The following TDRD10 variants were observed in gnomAD, a reference collection of about 807,000 sequenced individuals.
TDRD10 encodes the protein tudor domain containing 10.
TDRD10 carries 40 observed loss-of-function variants against 48.0 expected under a neutral mutation model. The observed-to-expected ratio is 0.83, with a 90% CI of 0.65 to 1.09. The LOEUF (loss-of-function observed/expected upper bound fraction) is 1.09, where lower values mean the gene tolerates loss of function less well. Among genes scored for constraint, TDRD10 ranks in the 50% least tolerant of loss-of-function variants. The pLI is 0.00. For missense variants in TDRD10, 378 were observed against 434.7 expected (o/e 0.87, Z 1.16); for synonymous variants, 162 against 170.4 (o/e 0.95, Z 0.38).
intron 6 of TDRD10, among the ~76,000 whole-genome samples, chr1:154,535,638 G>T (rs546194662): frequency 1.3e-5 from 2 of 150,550 alleles, no homozygotes; most frequent in East Asian, 4.0e-4. Flanking sequence ...CTATGATTGT[G>T]CCAGCACTCC....
At chr1:154,542,369 A>T (rs1007403272) in intron 7 of TDRD10, among the ~76,000 whole-genome samples, 9 of 152,144 alleles carry the variant, frequency 5.9e-5, no homozygotes, top group African/African-American at 2.2e-4. Flanking sequence ...CTAGGACTAT[A>T]GGTGTGCATC....
chr1:154,528,056 GTTTC>G (rs900184235), intron 6 of TDRD10, among the ~76,000 whole-genome samples: 7 of 151,956 alleles, frequency 4.6e-5, no homozygotes, highest in Admixed American at 1.3e-4. Context: ...TATAGTTTTT[GTTTC>G]TTTGTTTTCC....
intron 6 of TDRD10, among the ~76,000 whole-genome samples, chr1:154,529,842 G>C (rs1333295165): frequency 6.6e-6 from 1 of 152,034 alleles, no homozygotes; most frequent in African/African-American, 2.4e-5. Context: ...ACTGCGCCCA[G>C]CTTCTTTCTT....
At chr1:154,538,544 C>CT (rs1323634241) in intron 6 of TDRD10, among the ~76,000 whole-genome samples, 1 of 86,564 alleles carries the variant, frequency 1.2e-5, no homozygotes, top group Non-Finnish European at 2.2e-5. Flanking sequence ...GAGCGAAACT[C>CT]TATCTCAAAA....
At chr1:154,513,277 T>C (rs1484546996) in intron 4 of TDRD10, among the ~76,000 whole-genome samples, 2 of 152,190 alleles carry the variant, frequency 1.3e-5, no homozygotes, top group Non-Finnish European at 2.9e-5. Flanking sequence ...AATGGAAAGA[T>C]AATGGTTCAT....
intron 6 of TDRD10, among the ~76,000 whole-genome samples, chr1:154,541,050 G>A (rs1695200382): frequency 2.0e-5 from 3 of 152,170 alleles, no homozygotes; most frequent in Admixed American, 1.3e-4. Flanking sequence ...CACAGAGACC[G>A]TGAAACTGTG....
chr1:154,547,332 G>A lies in TDRD10; in HGVS notation c.953-77G>A, dbSNP rs998069132. On this transcript the variant is annotated intron_variant, in intron 11 of 12. Coordinates refer to ENST00000368482, the MANE Select transcript of TDRD10 (RefSeq NM_182499.4). ...CCAGAGCACTTTCCCTGCAGCCCCC[G>A]CCTTTTGCTTCCCTCCTTTGCTCCT... 7.8e-6 allele frequency: 12 copies of A among 1,532,512 alleles called. No homozygotes were observed. The East Asian group carries it at 1.6e-4, about 20-fold the overall frequency. 94.9% of individuals were successfully genotyped at this position (1,532,512 alleles called of 1,614,324 possible).
At chr1:154,530,458 TGG>T (rs1280761647) in intron 6 of TDRD10, among the ~76,000 whole-genome samples, 31 of 140,754 alleles carry the variant, frequency 2.2e-4, no homozygotes. Context: ...GAAACAGAGG[TGG>T]GGTTTCACCA....
At chr1:154,543,557 A>T (rs1349714884) in intron 8 of TDRD10, among the ~76,000 whole-genome samples, 1 of 152,056 alleles carries the variant, frequency 6.6e-6, no homozygotes, top group African/African-American at 2.4e-5. Flanking sequence ...GCAGGGGAGG[A>T]GCAGCTTTGG....
chr1:154,536,336 G>A (rs113915076), intron 6 of TDRD10, among the ~76,000 whole-genome samples: 29,635 of 152,034 alleles, frequency 0.19, 3,107 homozygotes, highest in South Asian at 0.23. Flanking sequence ...AGATTGTGCC[G>A]TTGCACTCCA....
rs566092221 is a variant in TDRD10 at position 154,541,705 on chromosome 1, G to A, written c.370-319G>A. Among the ~76,000 whole-genome samples, 52 of 152,300 alleles carry A rather than the reference G, an allele frequency of 3.4e-4. No individual in the cohort carries two copies. In the South Asian group the frequency reaches 3.9e-3, roughly 12 times the overall value. ...GTGCCAGCAGGGCACCAGGATAAGC[G>A]TTCTGGTGGTGCTTTCTGCCCCTGT... On this transcript the variant is annotated intron_variant, in intron 6 of 12. Transcript: ENST00000368482.
intron 4 of TDRD10, among the ~76,000 whole-genome samples, chr1:154,518,450 C>T (rs1026528392): frequency 1.3e-5 from 2 of 151,564 alleles, no homozygotes; most frequent in Non-Finnish European, 2.9e-5. Flanking sequence ...TTTTTTGAGA[C>T]GGAGTCTTGC....
At chr1:154,518,528 C>T (rs1338695439) in intron 4 of TDRD10, among the ~76,000 whole-genome samples, 1 of 152,080 alleles carries the variant, frequency 6.6e-6, no homozygotes, top group East Asian at 1.9e-4. Context: ...CCCGGGTTCA[C>T]GCCATTCTCC....
intron 4 of TDRD10, among the ~76,000 whole-genome samples, chr1:154,518,813 T>A (rs947848613): frequency 1.3e-5 from 2 of 152,244 alleles, no homozygotes; most frequent in African/African-American, 2.4e-5. Context: ...TGCATGGCTG[T>A]GTTCCAATAA....
intron 4 of TDRD10, among the ~76,000 whole-genome samples, chr1:154,512,156 G>A (rs1327058870): frequency 6.6e-6 from 1 of 151,828 alleles, no homozygotes; most frequent in African/African-American, 2.4e-5. Context: ...CTTTGCCTTC[G>A]CCCTTCCTCC....
chr1:154,508,393 C>T (rs1165563569), intron 3 of TDRD10, 30 bp from the exon 4 acceptor site: 1 of 1,508,646 alleles, frequency 6.6e-7, no homozygotes, highest in South Asian at 1.1e-5. Flanking sequence ...CGTATGTATG[C>T]CTGCCATTTA....
chr1:154,526,035 C>T (rs2149331789), intron 6 of TDRD10, among the ~76,000 whole-genome samples: 1 of 151,120 alleles, frequency 6.6e-6, no homozygotes, highest in Non-Finnish European at 1.5e-5. Flanking sequence ...AACCCCATCT[C>T]TAATAAAAAA....
chr1:154,509,598 G>A (rs1220120263), intron 4 of TDRD10, among the ~76,000 whole-genome samples: 2 of 152,028 alleles, frequency 1.3e-5, no homozygotes, highest in East Asian at 1.9e-4. Context: ...TCATGTAACC[G>A]ATAAGATATG....
chr1:154,536,617 G>T (rs1449935586), intron 6 of TDRD10, among the ~76,000 whole-genome samples: 3 of 152,236 alleles, frequency 2.0e-5, no homozygotes, highest in Non-Finnish European at 4.4e-5. Context: ...CGTGCAGCAT[G>T]TAACCACTGT....
Sources: gnomAD v4.1 joint callset for allele counts (sites outside exome capture counted in the v4.1 genomes callset) on GRCh38, gnomAD v4.1.1 for gene constraint, MANE v1.5 for transcripts, NCBI Gene and HGNC (gene_info 2026-07-23, HGNC 2026-07-21) for gene names.